Variants in CFAP92 observed in about 807,000 individuals in gnomAD.
CFAP92 encodes the protein uncharacterized protein CFAP92.
Under a neutral mutation model 106.3 loss-of-function variants are expected in CFAP92, and 86 were observed. That is an observed-to-expected ratio of 0.81 (90% CI 0.68 to 0.97). The LOEUF (loss-of-function observed/expected upper bound fraction) is 0.97. Ranked by LOEUF, CFAP92 falls within the 50% of genes least tolerant of loss-of-function variation. The pLI is 0.00. For synonymous variants in CFAP92, 477 were observed against 506.4 expected (o/e 0.94, Z 0.78); for missense variants, 1,204 against 1,283.8 (o/e 0.94, Z 0.95).
rs200134546 is a variant in CFAP92, at chr3:128,910,121, G to A, written c.*178C>T. On this transcript the variant is annotated 3_prime_UTR_variant, in exon 16 of 16. Coordinates refer to ENST00000645291, the MANE Select transcript of CFAP92 (RefSeq NM_001394090.1). ...CTGTCGCGGGCCAGCCGCTCCATCC[G>A]CATTGGGCTCCGCAACCACGACCAC... is the stretch of plus-strand genomic sequence containing the variant. The A allele has an allele frequency of 4.7e-5, 76 of 1,614,012 alleles. No homozygotes were observed. In the Admixed American group the frequency reaches 1.0e-3, roughly 22 times the overall value.
chr3:128,944,559 G>A (rs115929120), intron 10 of CFAP92, among the ~76,000 whole-genome samples: 124 of 152,316 alleles, frequency 8.1e-4, no homozygotes, highest in African/African-American at 2.8e-3. Flanking sequence ...GTGAAAGGAA[G>A]GGAGAGGTGT....
At chr3:129,022,165 C>T in the CFAP92 span, among the ~76,000 whole-genome samples, 15 of 152,140 alleles carry the variant, frequency 9.9e-5, no homozygotes, top group Non-Finnish European at 1.5e-4. Flanking sequence ...CAAATATTAC[C>T]AGGGGCAGGA....
At chr3:128,976,507 C>A (rs1943167260) in intron 6 of CFAP92, among the ~76,000 whole-genome samples, 1 of 152,140 alleles carries the variant, frequency 6.6e-6, no homozygotes, top group Non-Finnish European at 1.5e-5. Flanking sequence ...CCAAAACCAC[C>A]AGCTGAGCTT....
rs1338980422 is a variant in CFAP92, at chr3:128,971,342, G to A, written c.1113C>T (p.Gly371=). Residue 371 remains glycine (G), a synonymous_variant, in exon 8 of 16, where the codon GGC becomes GGT. Transcript: ENST00000645291. ...AEEEADPTLT[G]PRKQSAFSIQ... ...TGGAGAAAGCGCTCTGCTTCCTGGG[G>A]CCTGTCAGCGTGGGGTCTGCCTCTT... 4 of 1,613,586 alleles carry A rather than the reference G, an allele frequency of 2.5e-6. No homozygotes were observed. Among genetic ancestry groups the A allele is most frequent in the South Asian group, 1.1e-5 (1 of 90,968 alleles).
At chr3:128,930,331 TTAG>T (rs745314397) in intron 12 of CFAP92, among the ~76,000 whole-genome samples, 1 of 152,044 alleles carries the variant, frequency 6.6e-6, no homozygotes, top group Non-Finnish European at 1.5e-5. Context: ...TTTTGTATTT[TTAG>T]TAGAGATGGG....
At chr3:129,001,962 G>A (rs1278665166) in intron 1 of CFAP92, 1 of 1,544,560 alleles carries the variant, frequency 6.5e-7, no homozygotes. Flanking sequence ...GACCCCCGGG[G>A]ATGCGGCCGC....
chr3:128,924,923 G>GT (rs149175268), intron 12 of CFAP92, among the ~76,000 whole-genome samples: 2,852 of 152,252 alleles, frequency 0.019, 94 homozygotes, highest in African/African-American at 0.065. Flanking sequence ...CCAATAAATA[G>GT]TGCAGGCTTC....
intron 12 of CFAP92, among the ~76,000 whole-genome samples, chr3:128,925,267 C>A (rs753517369): frequency 9.9e-5 from 15 of 152,140 alleles, no homozygotes; most frequent in Non-Finnish European, 1.8e-4. Flanking sequence ...AAGGAACATG[C>A]AACCTAGAAC....
chr3:128,999,036 A>G (rs1944585116), upstream of CFAP92, among the ~76,000 whole-genome samples: 1 of 152,218 alleles, frequency 6.6e-6, no homozygotes, highest in Non-Finnish European at 1.5e-5. Context: ...TTTGCTTTTT[A>G]GCATTTTCCC....
chr3:129,010,622 C>T, the CFAP92 span, among the ~76,000 whole-genome samples: 1 of 152,028 alleles, frequency 6.6e-6, no homozygotes, highest in Non-Finnish European at 1.5e-5. The surrounding 1 kb of genome is among the most constrained non-coding windows in gnomAD (Gnocchi z 4.3). Flanking sequence ...TTGCTGCTGC[C>T]TGGCCTGACC....
Position 128,910,294 on chromosome 3 carries a change from G to A in CFAP92, c.*5C>T. ...ATGCGGTGGCCGTGGGAGGGTCTGTGCTGCTCAGGAGATGGGGCTGTTCCC... is the reference window on the plus strand; with the variant it reads ...ATGCGGTGGCCGTGGGAGGGTCTGTACTGCTCAGGAGATGGGGCTGTTCCC... On this transcript the variant is annotated 3_prime_UTR_variant, in exon 16 of 16. Coordinates refer to ENST00000645291, the MANE Select transcript of CFAP92 (RefSeq NM_001394090.1). 3 of 1,508,804 alleles carry A rather than the reference G, an allele frequency of 2.0e-6. No individual in the cohort carries two copies. The highest frequency in any genetic ancestry group is 2.7e-6 in the Non-Finnish European group (3 of 1,130,426). 93.5% of individuals were successfully genotyped at this position (1,508,804 alleles called of 1,614,324 possible).
chr3:128,950,330 G>A (rs894192203), intron 9 of CFAP92, among the ~76,000 whole-genome samples: 2 of 152,202 alleles, frequency 1.3e-5, no homozygotes, highest in Admixed American at 6.5e-5. Flanking sequence ...GAAGCCCACC[G>A]TGCACCCAAA....
intron 12 of CFAP92, among the ~76,000 whole-genome samples, chr3:128,922,511 G>A (rs73210614): frequency 0.041 from 6,313 of 152,242 alleles, 172 homozygotes; most frequent in Non-Finnish European, 0.058. Flanking sequence ...CTGTATATTG[G>A]GTTAATCTAG....
chr3:128,982,062 T>C (rs1321966096), intron 4 of CFAP92, among the ~76,000 whole-genome samples: 2 of 152,224 alleles, frequency 1.3e-5, no homozygotes, highest in Non-Finnish European at 2.9e-5. Flanking sequence ...AGCTGCACTG[T>C]CCCTATCAAG....
chr3:128,910,272 C>G lies in CFAP92; in HGVS notation c.*27G>C. The stretch of plus-strand genomic sequence containing the variant: ...GGGGAGGCTGTGCAGGTTCACCATG[C>G]GGTGGCCGTGGGAGGGTCTGTGCTG... On this transcript the variant is annotated 3_prime_UTR_variant, in exon 16 of 16. Transcript: ENST00000645291. 1 of 1,532,536 alleles carries G rather than the reference C, an allele frequency of 6.5e-7. No individual in the cohort carries two copies. Among genetic ancestry groups the G allele is most frequent in the Non-Finnish European group, 8.8e-7 (1 of 1,141,324 alleles). The allele number at this position is 1,532,536 out of a possible 1,614,324, so 94.9% of individuals were successfully genotyped here.
chr3:128,965,293 T>C (rs972674676), intron 9 of CFAP92, among the ~76,000 whole-genome samples: 6 of 152,162 alleles, frequency 3.9e-5, no homozygotes, highest in Non-Finnish European at 7.3e-5. Flanking sequence ...TATCTCCCTT[T>C]GCTGACTCTC....
chr3:129,002,074 TC>T lies in CFAP92; in HGVS notation n.117+499del, dbSNP rs780135100. On this transcript the variant is annotated intron_variant and non_coding_transcript_variant, in intron 1 of 4. Coordinates refer to the CFAP92 transcript ENST00000510149. ...ACCTTCCGCCAGTTCCACGCGCGCC[TC>T]TGTGGCTACTTCGGCACCCGTGCGG... 6.5e-6 allele frequency: 10 copies of T among 1,533,438 alleles called. No homozygotes were observed. In the South Asian group the frequency reaches 1.2e-4, roughly 19 times the overall value. The allele number at this position is 1,533,438 out of a possible 1,614,324, so 95.0% of individuals were successfully genotyped here. A position where few individuals can be genotyped will look rare whatever the true frequency, so the allele number is the denominator to read the frequency against.
chr3:128,945,276 C>G lies in CFAP92; in HGVS notation c.2053G>C (p.Ala685Pro). Residue 685 changes from alanine (A) to proline (P), a missense_variant, in exon 10 of 16, where the codon GCT (alanine) becomes CCT (proline). Coordinates refer to ENST00000645291, the MANE Select transcript of CFAP92 (RefSeq NM_001394090.1). ...SLLQDITMIN[A>P]KALGLDSYPV... ...TAGGAGTCCAGGCCGAGGGCCTTAG[C>G]GTTGATCATGGTGATGTCCTGCAGC... The G allele has an allele frequency of 6.5e-7, 1 of 1,536,132 alleles. No individual in the cohort carries two copies. Among genetic ancestry groups the G allele is most frequent in the Non-Finnish European group, 8.7e-7 (1 of 1,146,902 alleles).
intron 3 of CFAP92, among the ~76,000 whole-genome samples, chr3:128,988,414 G>C (rs924032224): frequency 6.6e-6 from 1 of 152,074 alleles, no homozygotes; most frequent in Non-Finnish European, 1.5e-5. Context: ...GGTGGCTCGT[G>C]CTTGTAATTC....
Sources: gnomAD v4.1 joint callset for allele counts (sites outside exome capture counted in the v4.1 genomes callset) on GRCh38, gnomAD v4.1.1 for gene constraint, Gnocchi (gnomAD v3.1) non-coding constraint, MANE v1.5 for transcripts, NCBI Gene and HGNC (gene_info 2026-07-23, HGNC 2026-07-21) for gene names.